The following RPS6KA2 variants were observed in gnomAD, a reference collection of about 807,000 sequenced individuals.
RPS6KA2 encodes the protein ribosomal protein S6 kinase alpha-2.
A neutral mutation model predicts 91.8 loss-of-function variants in RPS6KA2; 42 were observed. The ratio of observed to expected loss-of-function variants is 0.46; its 90% CI spans 0.36 to 0.59. RPS6KA2 has a LOEUF of 0.59. RPS6KA2 is among the 20% of genes least tolerant of loss of function. The pLI is 0.00. For synonymous variants in RPS6KA2, 414 were observed against 393.6 expected, an observed-to-expected ratio of 1.05 and a Z score of -0.61; for missense variants, 798 against 978.5, an observed-to-expected ratio of 0.82 and a Z score of 2.46.
chr6:166,830,631 C>T (rs1310077417), intron 2 of RPS6KA2, among the ~76,000 whole-genome samples: 1 of 152,034 alleles, frequency 6.6e-6, no homozygotes, highest in Non-Finnish European at 1.5e-5. Context: ...TCCTACGAGG[C>T]AAGGGAAGTA....
At chr6:166,414,003 A>T in intron 19 of RPS6KA2, 72 bp from the exon 20 acceptor site, 1 of 1,442,628 alleles carries the variant, frequency 6.9e-7, no homozygotes, top group Non-Finnish European at 9.6e-7. Context: ...CCTCCCCAGC[A>T]GAACTCCTCT....
chr6:166,501,941 G>A (rs1757296490), intron 6 of RPS6KA2, among the ~76,000 whole-genome samples: 1 of 152,210 alleles, frequency 6.6e-6, no homozygotes. Flanking sequence ...AGGACATTAT[G>A]CTCGATTAAA....
intron 2 of RPS6KA2, among the ~76,000 whole-genome samples, chr6:166,778,316 C>CAT (rs763605558): frequency 6.6e-6 from 1 of 152,188 alleles, no homozygotes; most frequent in Non-Finnish European, 1.5e-5. Flanking sequence ...AACCTCATAC[C>CAT]ATATATATCA....
At chr6:166,572,110 T>C (rs531773935) in intron 1 of RPS6KA2, among the ~76,000 whole-genome samples, 4 of 152,360 alleles carry the variant, frequency 2.6e-5, no homozygotes, top group African/African-American at 7.2e-5. Flanking sequence ...GTTCAGAATT[T>C]TATTAATTTT....
In RPS6KA2 at chr6:166,434,615, T is replaced by C. The variant is rs77636903; in HGVS notation, c.1333-2125A>G. Among the ~76,000 whole-genome samples the C allele has an allele frequency of 0.016, 2,377 of 152,304 alleles. 57 individuals are homozygous for C. Among genetic ancestry groups the C allele is most frequent in the African/African-American group, 0.054 (2,254 of 41,552 alleles). On this transcript the variant is annotated intron_variant, in intron 14 of 20. Coordinates refer to ENST00000265678, the MANE Select transcript of RPS6KA2 (RefSeq NM_021135.6). The surrounding 1 kb of genome is among the most constrained non-coding windows in gnomAD (Gnocchi z 4.4). The stretch of plus-strand genomic sequence containing the variant: ...TCCTGTCTTTGCAATTAGAGAAGGT[T>C]AAAATACATTTATAAATTTATAAAA...
At chr6:166,736,677 C>T (rs985083289) in intron 2 of RPS6KA2, among the ~76,000 whole-genome samples, 2 of 152,146 alleles carry the variant, frequency 1.3e-5, no homozygotes, top group Non-Finnish European at 2.9e-5. Flanking sequence ...AGACAGCGGG[C>T]CTGCATCCAT....
intron 1 of RPS6KA2, among the ~76,000 whole-genome samples, chr6:166,579,114 C>T (rs994282545): frequency 6.6e-6 from 1 of 152,148 alleles, no homozygotes; most frequent in Non-Finnish European, 1.5e-5. Context: ...TCAAGACAGC[C>T]CCGAGCCACC....
intron 2 of RPS6KA2, among the ~76,000 whole-genome samples, chr6:166,688,812 T>C (rs987801326): frequency 1.3e-5 from 2 of 152,206 alleles, no homozygotes; most frequent in African/African-American, 4.8e-5. Context: ...CATGAACCCA[T>C]GTGGGGCCAT....
At position 166,761,028 on chromosome 6, in the gene RPS6KA2, G is replaced by A. The variant is rs1005885322; in HGVS notation, c.123+97172C>T. 1.3e-4 allele frequency among the ~76,000 whole-genome samples: 20 copies of A among 152,148 alleles called. No homozygotes were observed. The East Asian group carries it at 1.7e-3, about 13-fold the overall frequency. On this transcript the variant is annotated intron_variant, in intron 2 of 21. Coordinates refer to the RPS6KA2 transcript ENST00000503859. The stretch of plus-strand genomic sequence containing the variant: ...TAATTGCAGGTGGATGTGAGTTTGC[G>A]AACTGAATGTTGTCGTGGTGATGAT...
intron 2 of RPS6KA2, among the ~76,000 whole-genome samples, chr6:166,755,206 G>T (rs977313207): frequency 6.6e-6 from 1 of 152,218 alleles, no homozygotes; most frequent in Non-Finnish European, 1.5e-5. Flanking sequence ...GGTAAAGGCA[G>T]ATCTTCCAAG....
At chr6:166,734,124 G>A (rs1452848383) in intron 2 of RPS6KA2, among the ~76,000 whole-genome samples, 1 of 152,204 alleles carries the variant, frequency 6.6e-6, no homozygotes, top group East Asian at 1.9e-4. Context: ...GGCCCTGAGG[G>A]GAGAGAGGAA....
rs1785811748 is a variant in RPS6KA2, at chr6:166,603,177, C to T, written c.99+23744G>A. Among the ~76,000 whole-genome samples, 1 of 152,226 alleles carries T rather than the reference C, an allele frequency of 6.6e-6. No individual in the cohort carries two copies. The highest frequency in any genetic ancestry group is 1.5e-5 in the Non-Finnish European group (1 of 68,044). On this transcript the variant is annotated intron_variant, in intron 1 of 20. Transcript: ENST00000265678. This position sits in a 1 kb window ranked among gnomAD's most constrained non-coding sequence, Gnocchi z 4.3. ...GCGGGATATCAAGAACCAAACATCA[C>T]AGATCCAGAAAGAGCCTTCCCTCTG...
At chr6:166,851,492 A>G (rs577519074) in intron 2 of RPS6KA2, among the ~76,000 whole-genome samples, 10 of 152,280 alleles carry the variant, frequency 6.6e-5, no homozygotes, top group African/African-American at 1.9e-4. Flanking sequence ...GGCAGCAGAG[A>G]TAGTTACTGC....
chr6:166,511,202 A>C (rs1010111370), intron 3 of RPS6KA2, among the ~76,000 whole-genome samples: 3 of 152,032 alleles, frequency 2.0e-5, no homozygotes, highest in Non-Finnish European at 4.4e-5. Flanking sequence ...TCCCTTTGTA[A>C]CAAGAACCTG....
intron 2 of RPS6KA2, chr6:166,701,852 G>A (rs1481578566): frequency 1.1e-6 from 1 of 893,116 alleles, no homozygotes; most frequent in East Asian, 2.5e-5. Flanking sequence ...AGCTGTAATG[G>A]TGTGTTCTGG....
intron 3 of RPS6KA2, among the ~76,000 whole-genome samples, chr6:166,527,133 G>A (rs1783079951): frequency 6.6e-6 from 1 of 152,188 alleles, no homozygotes; most frequent in African/African-American, 2.4e-5. Context: ...CAGGCTTAGC[G>A]ACAACTTAAA....
chr6:166,609,265 C>A (rs998770694), intron 1 of RPS6KA2, among the ~76,000 whole-genome samples: 8 of 152,140 alleles, frequency 5.3e-5, no homozygotes. Flanking sequence ...GCTCTTTCTG[C>A]ATAAGATGTT....
chr6:166,530,937 C>G (rs1295186058), intron 3 of RPS6KA2, among the ~76,000 whole-genome samples: 1 of 152,270 alleles, frequency 6.6e-6, no homozygotes, highest in Non-Finnish European at 1.5e-5. Flanking sequence ...AGCCCAACAG[C>G]CTGCTCGCAG....
intron 2 of RPS6KA2, among the ~76,000 whole-genome samples, chr6:166,640,037 G>A (rs11965163): frequency 0.018 from 2,730 of 152,242 alleles, 86 homozygotes; most frequent in African/African-American, 0.062. Context: ...ATTTATCTAC[G>A]AAAGAGACAC....
Sources: gnomAD v4.1 joint callset for allele counts (sites outside exome capture counted in the v4.1 genomes callset) on GRCh38, gnomAD v4.1.1 for gene constraint, Gnocchi (gnomAD v3.1) non-coding constraint, MANE v1.5 for transcripts, NCBI Gene and HGNC (gene_info 2026-07-23, HGNC 2026-07-21) for gene names.